UNC13C: variants seen among roughly 807,000 people sequenced by gnomAD.
The protein encoded by UNC13C is unc-13 homolog C.
A neutral mutation model predicts 245.4 loss-of-function variants in UNC13C; 174 were observed. That is an observed-to-expected ratio of 0.71 (90% CI 0.63 to 0.80). The LOEUF is 0.80. Among genes scored for constraint, UNC13C ranks in the 30% least tolerant of loss-of-function variants. The probability of loss-of-function intolerance (pLI) is 0.00; values close to 1 mark genes in which losing one functional copy is unlikely to be tolerated. For missense variants in UNC13C, 2,829 were observed against 2,602.9 expected (o/e 1.09, Z -1.89); for synonymous variants, 992 against 895.1 (o/e 1.11, Z -1.93).
rs2036110380 is a variant in UNC13C, at chr15:54,250,280, C to A, written c.3284C>A (p.Thr1095Asn). The change falls in exon 8 of 33, where the codon ACC becomes AAC. Residue 1095 changes from threonine to asparagine, a missense_variant. Transcript: ENST00000260323. ...LQALIYPMSS[T>N]IPHNFEVWTA... The stretch of plus-strand genomic sequence containing the variant: ...GCACTGATCTACCCTATGTCTTCTA[C>A]CATCCCACACAATTTTGAGGTCTGG... 2 of 1,613,866 alleles carry A rather than the reference C, an allele frequency of 1.2e-6. No individual in the cohort carries two copies. Among genetic ancestry groups the A allele is most frequent in the Non-Finnish European group, 1.7e-6 (2 of 1,179,898 alleles).
At chr15:54,088,195 CT>C (rs1282973906) in intron 2 of UNC13C, among the ~76,000 whole-genome samples, 20 of 121,584 alleles carry the variant, frequency 1.6e-4, no homozygotes, top group Middle Eastern at 4.3e-3. Flanking sequence ...CATGGGCTTC[CT>C]TTTCCTTTTT....
chr15:54,407,499 G>A (rs62010066), intron 18 of UNC13C, among the ~76,000 whole-genome samples: 21,873 of 152,074 alleles, frequency 0.14, 1,780 homozygotes, highest in Admixed American at 0.21. Flanking sequence ...ATAGAGTGGA[G>A]GTAAAGTAAA....
chr15:54,391,151 C>T (rs1225966972), intron 17 of UNC13C, among the ~76,000 whole-genome samples: 1 of 152,062 alleles, frequency 6.6e-6, no homozygotes, highest in African/African-American at 2.4e-5. Context: ...TGATGTTACA[C>T]ATATCATGTG....
chr15:54,608,464 TAG>T (rs1899896378), intron 30 of UNC13C, among the ~76,000 whole-genome samples: 1 of 152,206 alleles, frequency 6.6e-6, no homozygotes, highest in African/African-American at 2.4e-5. Context: ...TATCTTCCAG[TAG>T]AGTTATTTAT....
chr15:54,297,665 A>T, intron 11 of UNC13C, 146 bp from the exon 12 acceptor site: 1 of 668,128 alleles, frequency 1.5e-6, no homozygotes, highest in Non-Finnish European at 2.7e-6. Context: ...CATCATGGTT[A>T]CTTAATAAGC....
intron 10 of UNC13C, among the ~76,000 whole-genome samples, chr15:54,270,634 G>T (rs1461671718): frequency 6.6e-6 from 1 of 151,852 alleles, no homozygotes; most frequent in Non-Finnish European, 1.5e-5. Flanking sequence ...TGAATAGTGA[G>T]GCCAAGGGAG....
At chr15:54,137,254 C>T (rs1595897859) in intron 2 of UNC13C, among the ~76,000 whole-genome samples, 1 of 152,130 alleles carries the variant, frequency 6.6e-6, no homozygotes, top group East Asian at 1.9e-4. Context: ...GGTTTGTTAG[C>T]ATTTTGTTGA....
chr15:54,445,264 C>T (rs1034771169), intron 19 of UNC13C, among the ~76,000 whole-genome samples: 12 of 152,066 alleles, frequency 7.9e-5, no homozygotes, highest in Admixed American at 3.3e-4. Context: ...TGAATAGTGC[C>T]GCAATAAACA....
At chr15:53,897,766 AAGT>A in the UNC13C span, among the ~76,000 whole-genome samples, 1 of 152,186 alleles carries the variant, frequency 6.6e-6, no homozygotes, top group Non-Finnish European at 1.5e-5. Flanking sequence ...GAAAATCAGA[AAGT>A]GTATTAGCAT....
chr15:54,193,235 A>G (rs2034245501), intron 4 of UNC13C, among the ~76,000 whole-genome samples: 2 of 152,178 alleles, frequency 1.3e-5, no homozygotes, highest in Admixed American at 1.3e-4. Flanking sequence ...AAGAGTCGTT[A>G]CATATCTCCT....
chr15:54,247,313 A>C (rs1248143783), intron 7 of UNC13C, among the ~76,000 whole-genome samples: 1 of 151,814 alleles, frequency 6.6e-6, no homozygotes, highest in Non-Finnish European at 1.5e-5. Context: ...CCACACAAAA[A>C]CCCACACTTT....
intron 2 of UNC13C, among the ~76,000 whole-genome samples, chr15:54,091,063 G>A (rs957258183): frequency 2.1e-5 from 3 of 139,812 alleles, no homozygotes; most frequent in African/African-American, 2.6e-5. Flanking sequence ...GAAGCTGGGC[G>A]GGGTGGGGGG....
intron 13 of UNC13C, chr15:54,321,310 A>G (rs746469972): frequency 6.4e-6 from 3 of 470,336 alleles, no homozygotes; most frequent in South Asian, 3.3e-5. Flanking sequence ...TGTTCAAAAT[A>G]ATCTCTTGGG....
At chr15:54,167,500 CAAAAAAAAAAAAA>C (rs67762910) in intron 4 of UNC13C, among the ~76,000 whole-genome samples, 3 of 90,652 alleles carry the variant, frequency 3.3e-5, no homozygotes, top group Non-Finnish European at 6.5e-5. Context: ...ACACTCGTCT[CAAAAAAAAAAAAA>C]AAAAAAGAAA....
At chr15:53,870,602 T>C in the UNC13C span, among the ~76,000 whole-genome samples, 3 of 152,114 alleles carry the variant, frequency 2.0e-5, no homozygotes, top group Non-Finnish European at 2.9e-5. Context: ...TAAGCCACTG[T>C]AGTTTTGGGC....
intron 4 of UNC13C, among the ~76,000 whole-genome samples, chr15:54,205,656 C>A (rs901466184): frequency 1.1e-4 from 16 of 151,954 alleles, no homozygotes; most frequent in Non-Finnish European, 2.4e-4. Flanking sequence ...GAAAACAGGC[C>A]CCTTTTTTCT....
At chr15:53,980,918 C>A (rs752607025) in intron 1 of UNC13C, among the ~76,000 whole-genome samples, 4 of 152,096 alleles carry the variant, frequency 2.6e-5, no homozygotes, top group Non-Finnish European at 5.9e-5. Flanking sequence ...GTGCACAGAA[C>A]TAGTTGCTTA....
chr15:54,357,763 T>C (rs1567212428), intron 17 of UNC13C, among the ~76,000 whole-genome samples: 1 of 152,066 alleles, frequency 6.6e-6, no homozygotes, highest in South Asian at 2.1e-4. Context: ...TAAACTGTTC[T>C]TTGGTTTCCA....
intron 30 of UNC13C, among the ~76,000 whole-genome samples, chr15:54,611,886 TA>T (rs1437378620): frequency 3.9e-5 from 6 of 152,142 alleles, no homozygotes; most frequent in Admixed American, 1.3e-4. Context: ...TCATCAGGCT[TA>T]CACACAATTA....
Sources: allele counts gnomAD v4.1 joint callset (sites outside exome capture counted in the v4.1 genomes callset), GRCh38; gene constraint gnomAD v4.1.1; transcripts MANE v1.5; gene names NCBI Gene and HGNC (gene_info 2026-07-23, HGNC 2026-07-21).